The following RTF2 variants were observed in gnomAD, a reference collection of about 807,000 sequenced individuals.
RTF2 encodes the protein replication termination factor 2.
In RTF2, 18 loss-of-function variants were observed where a neutral mutation model predicts 38.0. The observed-to-expected ratio is 0.47, with a 90% CI of 0.33 to 0.70. RTF2 has a LOEUF of 0.70. Ranked by LOEUF, RTF2 falls within the 30% of genes least tolerant of loss-of-function variation. The probability of loss-of-function intolerance (pLI) is 0.02; values close to 1 mark genes in which losing one functional copy is unlikely to be tolerated. For synonymous variants in RTF2, 126 were observed against 137.1 expected (o/e 0.92, Z 0.57); for missense variants, 311 against 379.6 (o/e 0.82, Z 1.50).
chr20:56,484,497 C>A (rs1360079468), intron 5 of RTF2, among the ~76,000 whole-genome samples: 6 of 152,222 alleles, frequency 3.9e-5, no homozygotes, highest in Non-Finnish European at 8.8e-5. Context: ...GTTCTTACTT[C>A]TTCCGTGACT....
chr20:56,497,463 G>C (rs899586832), intron 5 of RTF2: 4 of 1,521,582 alleles, frequency 2.6e-6, no homozygotes, highest in Non-Finnish European at 3.5e-6. Context: ...CAGTTCATCT[G>C]GGTAAAAGCC....
intron 4 of RTF2, among the ~76,000 whole-genome samples, chr20:56,483,085 A>T (rs1982608070): frequency 6.6e-6 from 1 of 152,058 alleles, no homozygotes; most frequent in Non-Finnish European, 1.5e-5. Flanking sequence ...TTTATAATTT[A>T]TTTGACCATT....
chr20:56,503,989 C>G (rs1227140742), intron 5 of RTF2: 1 of 152,524 alleles, frequency 6.6e-6, no homozygotes, highest in Non-Finnish European at 1.5e-5. Flanking sequence ...CACACACACG[C>G]ACATGCACAT....
chr20:56,481,507 T>G (rs961390542), intron 4 of RTF2, among the ~76,000 whole-genome samples: 4 of 152,236 alleles, frequency 2.6e-5, no homozygotes, highest in African/African-American at 7.2e-5. Context: ...GGGCTCTCTT[T>G]TAAACCACCA....
Position 56,518,451 on chromosome 20 carries a change from TG to T in RTF2, c.*189del. On this transcript the variant is annotated 3_prime_UTR_variant, in exon 9 of 9. Transcript: ENST00000357348. ...AGGCGTGTCGGTTCCAGGGGGGACA[TG>T]GGAGGGGCTGCACAGTGGCCCGAGG... 1 of 570,496 alleles carries T rather than the reference TG, an allele frequency of 1.8e-6. No homozygotes were observed. The highest frequency in any genetic ancestry group is 3.0e-6 in the Non-Finnish European group (1 of 334,042). 35.3% of individuals were successfully genotyped at this position (570,496 alleles called of 1,614,324 possible).
chr20:56,480,686 T>C (rs1271998267), intron 4 of RTF2, among the ~76,000 whole-genome samples: 2 of 152,188 alleles, frequency 1.3e-5, no homozygotes, highest in African/African-American at 4.8e-5. Context: ...CTTGGACACT[T>C]AAAGGCCATT....
chr20:56,485,778 T>G (rs1201122951), intron 5 of RTF2, among the ~76,000 whole-genome samples: 2 of 152,208 alleles, frequency 1.3e-5, no homozygotes, highest in Non-Finnish European at 2.9e-5. Flanking sequence ...TGGCATAGAT[T>G]CCAAGGGAAA....
intron 5 of RTF2, 72 bp downstream of exon 5, chr20:56,484,261 C>T: frequency 5.6e-6 from 7 of 1,242,902 alleles, no homozygotes; most frequent in Non-Finnish European, 8.3e-6. Flanking sequence ...GGTCCTTTCC[C>T]TCCATTTGTT....
intron 5 of RTF2, among the ~76,000 whole-genome samples, chr20:56,492,696 A>G (rs901197942): frequency 1.3e-5 from 2 of 152,036 alleles, no homozygotes; most frequent in African/African-American, 4.8e-5. Flanking sequence ...TAATTCTCAC[A>G]GTAACACTCT....
intron 4 of RTF2, 64 bp from the exon 5 acceptor site, chr20:56,484,047 C>A: frequency 7.1e-7 from 1 of 1,399,800 alleles, no homozygotes; most frequent in Middle Eastern, 1.8e-4. Context: ...TTTGTATCAA[C>A]CGAATAAATG....
chr20:56,500,162 C>A (rs1983836099), intron 5 of RTF2, among the ~76,000 whole-genome samples: 1 of 151,960 alleles, frequency 6.6e-6, no homozygotes, highest in Non-Finnish European at 1.5e-5. Flanking sequence ...TCGAGCGATT[C>A]TCTGGCCTCA....
At chr20:56,491,904 C>T (rs755849935) in intron 5 of RTF2, 5 of 669,532 alleles carry the variant, frequency 7.5e-6, no homozygotes, top group African/African-American at 1.8e-5. Flanking sequence ...CCAGAGTTCA[C>T]ATCAAACAGC....
intron 5 of RTF2, among the ~76,000 whole-genome samples, chr20:56,510,877 TG>T (rs1389233135): frequency 6.6e-6 from 1 of 152,178 alleles, no homozygotes; most frequent in East Asian, 1.9e-4. Context: ...GGCTTGAGCC[TG>T]GGAGGTGGAG....
intron 5 of RTF2, among the ~76,000 whole-genome samples, chr20:56,501,584 T>C (rs1983930102): frequency 1.3e-5 from 2 of 152,216 alleles, no homozygotes; most frequent in African/African-American, 2.4e-5. Context: ...AACAGACCTA[T>C]TTTTAACATT....
At chr20:56,492,075 T>C (rs1284485020) in intron 5 of RTF2, among the ~76,000 whole-genome samples, 1 of 152,156 alleles carries the variant, frequency 6.6e-6, no homozygotes, top group Non-Finnish European at 1.5e-5. Flanking sequence ...AGAGATAAGC[T>C]AGCGCTCATT....
chr20:56,491,489 T>A, intron 5 of RTF2: 1 of 962,442 alleles, frequency 1.0e-6, no homozygotes, highest in South Asian at 1.5e-5. Flanking sequence ...TTCCCACTTC[T>A]TTGGTTCAAT....
intron 5 of RTF2, among the ~76,000 whole-genome samples, chr20:56,487,968 A>G (rs1177063305): frequency 2.6e-5 from 4 of 152,204 alleles, no homozygotes; most frequent in Non-Finnish European, 5.9e-5. Flanking sequence ...GTGTTTCCCA[A>G]TAAGGTCACA....
At chr20:56,476,897 G>A in intron 3 of RTF2, 88 bp from the exon 4 acceptor site, 1 of 1,320,252 alleles carries the variant, frequency 7.6e-7, no homozygotes, top group African/African-American at 1.5e-5. Context: ...GGGAAGGGCT[G>A]GAATAACAAT....
At chr20:56,486,953 A>G (rs1402031255) in intron 5 of RTF2, among the ~76,000 whole-genome samples, 1 of 152,124 alleles carries the variant, frequency 6.6e-6, no homozygotes, top group Non-Finnish European at 1.5e-5. Flanking sequence ...AGAGAGGCCG[A>G]GGTGTGAGTC....
Sources: allele counts gnomAD v4.1 joint callset (sites outside exome capture counted in the v4.1 genomes callset), GRCh38; gene constraint gnomAD v4.1.1; transcripts MANE v1.5; gene names NCBI Gene and HGNC (gene_info 2026-07-23, HGNC 2026-07-21).